LIMCH1: variants seen among roughly 807,000 people sequenced by gnomAD.
The protein encoded by LIMCH1 is LIM and calponin homology domains-containing protein 1.
Under a neutral mutation model 176.5 loss-of-function variants are expected in LIMCH1, and 113 were observed. That is an observed-to-expected ratio of 0.64 (90% CI 0.55 to 0.75). The LOEUF (loss-of-function observed/expected upper bound fraction) is 0.75. Among genes scored for constraint, LIMCH1 ranks in the 30% least tolerant of loss-of-function variants. LIMCH1 has a pLI of 0.00. For missense variants in LIMCH1, 1,674 were observed against 1,814.9 expected, an observed-to-expected ratio of 0.92 and a Z score of 1.41; for synonymous variants, 619 against 645.9, an observed-to-expected ratio of 0.96 and a Z score of 0.63.
At chr4:41,524,453 G>C (rs760952551) in exon 3 of LIMCH1, 1 of 1,613,804 alleles carries the variant, frequency 6.2e-7, no homozygotes, top group Non-Finnish European at 8.5e-7. Context: ...AAGATCAATA[G>C]ATTGCCTACC....
chr4:41,587,660 A>G (rs1034299646), intron 1 of LIMCH1, among the ~76,000 whole-genome samples: 1 of 152,062 alleles, frequency 6.6e-6, no homozygotes, highest in African/African-American at 2.4e-5. Context: ...TCTGTAATCC[A>G]ATATATGCCT....
intron 3 of LIMCH1, among the ~76,000 whole-genome samples, chr4:41,528,976 C>T (rs2076971779): frequency 6.6e-6 from 1 of 152,210 alleles, no homozygotes; most frequent in Admixed American, 6.5e-5. Context: ...TGCATTTCTT[C>T]TGCAACGATT....
At chr4:41,404,983 T>A (rs2058817195) in intron 1 of LIMCH1, among the ~76,000 whole-genome samples, 1 of 152,140 alleles carries the variant, frequency 6.6e-6, no homozygotes, top group Non-Finnish European at 1.5e-5. Context: ...TTGTGTAATC[T>A]GTAGTGATTA....
At chr4:41,479,850 A>G (rs558846655) in intron 1 of LIMCH1, among the ~76,000 whole-genome samples, 6 of 152,318 alleles carry the variant, frequency 3.9e-5, no homozygotes, top group Non-Finnish European at 7.4e-5. Flanking sequence ...GATAATGTGT[A>G]TAGGAGGTTA....
chr4:41,396,977 G>A (rs1470063682), intron 1 of LIMCH1, among the ~76,000 whole-genome samples: 1 of 152,096 alleles, frequency 6.6e-6, no homozygotes, highest in Non-Finnish European at 1.5e-5. Flanking sequence ...TATTGTGATT[G>A]ATTCCCTGAC....
Position 41,650,757 on chromosome 4 carries a change from G to T in LIMCH1, c.3036+149G>T, listed in dbSNP as rs2118964. ...GGCTGCTGTAAGTACCACAAACTCA[G>T]TGGCTTAAACAACAGAAACTGTCTC... On this transcript the variant is annotated intron_variant, in intron 18 of 31. Transcript: ENST00000503057. 844 of 695,320 alleles carry T rather than the reference G, an allele frequency of 1.2e-3. 5 individuals carry two copies. The African/African-American group carries it at 0.014, about 12-fold the overall frequency. The allele number at this position is 695,320 out of a possible 1,614,324, so 43.1% of individuals were successfully genotyped here. A position where few individuals can be genotyped will look rare whatever the true frequency, so the allele number is the denominator to read the frequency against.
chr4:41,680,089 C>G lies in LIMCH1; in HGVS notation c.3603C>G (p.Tyr1201Ter). The change falls in exon 24 of 32, where the codon TAC (tyrosine) becomes TAG (stop). Residue 1201 changes from tyrosine (Y) to a stop codon, truncating the protein, a stop_gained. Transcript: ENST00000503057. LOFTEE classifies it high-confidence loss of function. The part of the protein sequence containing the change: ...QKEVEEEERR[Y>*]YEEERKIIED... ...AGGTGGAAGAGGAAGAACGCAGATA[C>G]TATGAGGAGGTAGGAAATTCCCAAG... 6.2e-7 allele frequency: 1 copy of G among 1,601,580 alleles called. No individual in the cohort carries two copies. The highest frequency in any genetic ancestry group is 8.5e-7 in the Non-Finnish European group (1 of 1,173,128).
Position 41,560,863 on chromosome 4 carries a change from C to T in LIMCH1, c.-241+22513C>T, listed in dbSNP as rs145009532. Among the ~76,000 whole-genome samples the T allele has an allele frequency of 1.8e-3, 269 of 152,090 alleles. 1 individual carries two copies. Among genetic ancestry groups the T allele is most frequent in the African/African-American group, 6.0e-3 (248 of 41,492 alleles). Reference sequence around the variant, plus strand: ...GTGAAACCCTGGATCTACAGAAATACAAACATCAGCCAGGTGTGGTGCGCT... The same window carrying T: ...GTGAAACCCTGGATCTACAGAAATATAAACATCAGCCAGGTGTGGTGCGCT... On this transcript the variant is annotated intron_variant, in intron 1 of 31. Transcript: ENST00000503057.
intron 1 of LIMCH1, among the ~76,000 whole-genome samples, chr4:41,437,492 G>T (rs2062206025): frequency 6.6e-6 from 1 of 152,106 alleles, no homozygotes; most frequent in Admixed American, 6.5e-5. Flanking sequence ...CAGATAGAAA[G>T]GAAACTGTAG....
chr4:41,661,911 A>T (rs1452572616), intron 19 of LIMCH1: 1 of 402,124 alleles, frequency 2.5e-6, no homozygotes, highest in South Asian at 1.8e-5. Flanking sequence ...ATATAGTTAA[A>T]AATGAATAAA....
At chr4:41,433,858 C>T (rs1561357999) in intron 1 of LIMCH1, among the ~76,000 whole-genome samples, 1 of 151,908 alleles carries the variant, frequency 6.6e-6, no homozygotes, top group South Asian at 2.1e-4. Flanking sequence ...AGTGGCATGT[C>T]CCTATAGGAG....
intron 26 of LIMCH1, among the ~76,000 whole-genome samples, chr4:41,683,380 G>A (rs1175534484): frequency 6.6e-6 from 1 of 152,094 alleles, no homozygotes; most frequent in African/African-American, 2.4e-5. Context: ...GTTGTAATGG[G>A]TTTATTCATG....
At chr4:41,674,385 C>T (rs1207434701) in intron 22 of LIMCH1, among the ~76,000 whole-genome samples, 2 of 152,184 alleles carry the variant, frequency 1.3e-5, no homozygotes, top group Admixed American at 1.3e-4. Flanking sequence ...GGGGCCATGC[C>T]CCTGGAAGAG....
chr4:41,671,923 ATTGAGACCCAAACAATTGAT>A (rs1244082671), intron 22 of LIMCH1, among the ~76,000 whole-genome samples: 1 of 151,568 alleles, frequency 6.6e-6, no homozygotes, highest in Non-Finnish European at 1.5e-5. Context: ...TTCAACCAAA[ATTGAGACCCAAACAATTGAT>A]TTGTAAAAGA....
At chr4:41,409,294 G>C (rs983923127) in intron 1 of LIMCH1, among the ~76,000 whole-genome samples, 1 of 152,098 alleles carries the variant, frequency 6.6e-6, no homozygotes, top group Non-Finnish European at 1.5e-5. Context: ...TGAAATGTGT[G>C]GCTTGAATTT....
intron 1 of LIMCH1, among the ~76,000 whole-genome samples, chr4:41,448,092 G>A (rs1021813803): frequency 2.3e-4 from 35 of 152,236 alleles, no homozygotes; most frequent in African/African-American, 8.4e-4. Context: ...TGCCCAGCCT[G>A]GGAGTAACAC....
rs540789424 is a variant in LIMCH1 at position 41,391,099 on chromosome 4, A to G, written c.96+30163A>G. ...CACATTTAATAGAATAAAGGCCACT[A>G]CCCAGTTGCAACAAATCAAGAAATT... is the stretch of plus-strand genomic sequence containing the variant. On this transcript the variant is annotated intron_variant, in intron 1 of 26. Coordinates refer to the LIMCH1 transcript ENST00000313860. Among the ~76,000 whole-genome samples, 12 of 152,314 alleles carry G rather than the reference A, an allele frequency of 7.9e-5. No individual in the cohort carries two copies. In the East Asian group the frequency reaches 1.9e-3, roughly 24 times the overall value.
At chr4:41,674,664 G>T (rs768986254) in intron 22 of LIMCH1, among the ~76,000 whole-genome samples, 1 of 152,106 alleles carries the variant, frequency 6.6e-6, no homozygotes, top group Non-Finnish European at 1.5e-5. Context: ...GAACATTATA[G>T]CTCAGCCTAG....
chr4:41,514,006 A>T (rs903471000), intron 2 of LIMCH1, among the ~76,000 whole-genome samples: 4 of 14,604 alleles, frequency 2.7e-4, no homozygotes, highest in Non-Finnish European at 4.6e-4. Flanking sequence ...ACTCCGTCTT[A>T]AAAAAAAAAA....
Sources: allele counts gnomAD v4.1 joint callset (sites outside exome capture counted in the v4.1 genomes callset), GRCh38; gene constraint gnomAD v4.1.1; transcripts MANE v1.5; gene names NCBI Gene and HGNC (gene_info 2026-07-23, HGNC 2026-07-21).